Variants in PTPRD observed in about 807,000 individuals in gnomAD.
PTPRD encodes receptor-type tyrosine-protein phosphatase delta.
Under a neutral mutation model 214.5 loss-of-function variants are expected in PTPRD, and 34 were observed. The observed-to-expected ratio is 0.16, with a 90% CI of 0.12 to 0.21. The LOEUF (loss-of-function observed/expected upper bound fraction) is 0.21, where lower values mean the gene tolerates loss of function less well. Among genes scored for constraint, PTPRD ranks in the 10% least tolerant of loss-of-function variants. PTPRD has a pLI of 1.00. For missense variants in PTPRD, 2,545 were observed against 2,398.7 expected, an observed-to-expected ratio of 1.06 and a Z score of -1.27; for synonymous variants, 1,128 against 845.7, an observed-to-expected ratio of 1.33 and a Z score of -5.79.
At chr9:8,915,803 T>C (rs757726125) in intron 11 of PTPRD, among the ~76,000 whole-genome samples, 2 of 152,176 alleles carry the variant, frequency 1.3e-5, no homozygotes, top group African/African-American at 2.4e-5. Flanking sequence ...CACATCCACA[T>C]TAGGAAGAGC....
chr9:10,213,750 A>T (rs147321994), intron 3 of PTPRD, among the ~76,000 whole-genome samples: 6 of 152,254 alleles, frequency 3.9e-5, no homozygotes, highest in Non-Finnish European at 8.8e-5. Flanking sequence ...CCTGGACAAA[A>T]CAAATAACAC....
At chr9:8,719,478 G>A (rs544043058) in intron 12 of PTPRD, among the ~76,000 whole-genome samples, 1 of 152,132 alleles carries the variant, frequency 6.6e-6, no homozygotes, top group Non-Finnish European at 1.5e-5. Flanking sequence ...GGTTAAACAA[G>A]GTCCTTTGCT....
intron 3 of PTPRD, among the ~76,000 whole-genome samples, chr9:10,167,779 A>T (rs944155689): frequency 2.6e-5 from 4 of 152,170 alleles, no homozygotes; most frequent in African/African-American, 9.7e-5. Flanking sequence ...ATAGAAGATA[A>T]AGGCCAAATT....
chr9:8,676,918 G>A (rs753480139), intron 12 of PTPRD, among the ~76,000 whole-genome samples: 10 of 152,108 alleles, frequency 6.6e-5, no homozygotes, highest in Non-Finnish European at 1.5e-4. Context: ...CGGAGTGCTT[G>A]GCACACAGTA....
intron 2 of PTPRD, among the ~76,000 whole-genome samples, chr9:10,605,646 T>C (rs1467067216): frequency 2.0e-5 from 3 of 151,768 alleles, no homozygotes; most frequent in African/African-American, 4.8e-5. Flanking sequence ...AAGGTAAGTG[T>C]AGATACGTAT....
chr9:9,955,850 C>T (rs1225920406), intron 4 of PTPRD, among the ~76,000 whole-genome samples: 1 of 152,124 alleles, frequency 6.6e-6, no homozygotes, highest in African/African-American at 2.4e-5. Flanking sequence ...AATAATCATA[C>T]TGCTTTCAAA....
At chr9:9,204,267 A>G (rs2132443244) in intron 9 of PTPRD, among the ~76,000 whole-genome samples, 1 of 152,304 alleles carries the variant, frequency 6.6e-6, no homozygotes, top group East Asian at 1.9e-4. Flanking sequence ...TCATTAGCGA[A>G]TATGTCTGAT....
intron 3 of PTPRD, among the ~76,000 whole-genome samples, chr9:10,038,932 G>A (rs970778094): frequency 5.3e-5 from 8 of 151,884 alleles, no homozygotes; most frequent in South Asian, 4.2e-4. Flanking sequence ...TAACGCTGAC[G>A]ATAAACTTTA....
chr9:9,830,352 T>C (rs965412405), intron 5 of PTPRD, among the ~76,000 whole-genome samples: 2 of 151,874 alleles, frequency 1.3e-5, no homozygotes, highest in Admixed American at 6.6e-5. Flanking sequence ...AAAATGATTG[T>C]TCAGATCACT....
chr9:9,548,965 T>C (rs1054833708), intron 8 of PTPRD, among the ~76,000 whole-genome samples: 2 of 152,290 alleles, frequency 1.3e-5, no homozygotes, highest in Non-Finnish European at 2.9e-5. Flanking sequence ...AAAATCAATT[T>C]AGTTATAAAA....
intron 2 of PTPRD, among the ~76,000 whole-genome samples, chr9:10,460,844 G>A (rs1394299729): frequency 2.0e-5 from 3 of 151,874 alleles, no homozygotes; most frequent in Non-Finnish European, 4.4e-5. Flanking sequence ...TGATTTATTG[G>A]GTATCACACC....
Position 10,200,542 on chromosome 9 carries a change from G to T in PTPRD, c.-545+140421C>A, listed in dbSNP as rs557427047. Among the ~76,000 whole-genome samples the T allele has an allele frequency of 7.9e-5, 12 of 152,192 alleles. No individual in the cohort carries two copies. The East Asian group carries it at 2.3e-3, about 29-fold the overall frequency. The stretch of plus-strand genomic sequence containing the variant: ...CTAGATGTTTACATCATTTAAGAAA[G>T]AGAAGACCATATGACTGACTACCTT... On this transcript the variant is annotated intron_variant, in intron 3 of 45. Transcript: ENST00000381196.
In PTPRD at chr9:8,428,865, C is replaced by G. The variant is rs139852242; in HGVS notation, c.4086+7727G>C. ...GATGACTGTTTTACTAATGATGGTT[C>G]TGCGCCTGTGAATACACTGTGGCAC... On this transcript the variant is annotated intron_variant, in intron 35 of 45. Coordinates refer to ENST00000381196, the MANE Select transcript of PTPRD (RefSeq NM_002839.4). 3.9e-5 allele frequency among the ~76,000 whole-genome samples: 6 copies of G among 152,312 alleles called. No individual in the cohort carries two copies. The East Asian group carries it at 1.2e-3, about 29-fold the overall frequency.
At chr9:10,097,541 T>C (rs1033695001) in intron 3 of PTPRD, among the ~76,000 whole-genome samples, 4 of 151,656 alleles carry the variant, frequency 2.6e-5, no homozygotes, top group East Asian at 2.0e-4. Flanking sequence ...TCTCTGTTTG[T>C]CTGTTATTGG....
chr9:9,812,959 T>C (rs528852790), intron 5 of PTPRD, among the ~76,000 whole-genome samples: 159 of 152,226 alleles, frequency 1.0e-3, no homozygotes, highest in African/African-American at 3.5e-3. Context: ...TTTGGTAAGA[T>C]TGGTATCAAT....
chr9:9,670,718 G>C (rs769759951), intron 7 of PTPRD, among the ~76,000 whole-genome samples: 1 of 152,208 alleles, frequency 6.6e-6, no homozygotes, highest in Non-Finnish European at 1.5e-5. Context: ...GGCTTCAGAG[G>C]TTGCAGGCCT....
At chr9:10,341,832 TTC>T (rs1661275385) in intron 2 of PTPRD, among the ~76,000 whole-genome samples, 1 of 151,210 alleles carries the variant, frequency 6.6e-6, no homozygotes, top group Non-Finnish European at 1.5e-5. Context: ...GTAATATTAA[TTC>T]TTTTTTCCCC....
At chr9:9,864,066 A>G (rs2063390503) in intron 5 of PTPRD, among the ~76,000 whole-genome samples, 2 of 152,304 alleles carry the variant, frequency 1.3e-5, no homozygotes, top group Admixed American at 1.3e-4. Context: ...GCACTTTAGG[A>G]GGCCGAAGTG....
intron 8 of PTPRD, among the ~76,000 whole-genome samples, chr9:9,541,744 TTTC>T (rs1236560236): frequency 4.0e-5 from 6 of 151,852 alleles, no homozygotes; most frequent in African/African-American, 1.4e-4. Context: ...GCTAAGAATG[TTTC>T]CACTGAGGCA....
Sources: gnomAD v4.1 joint callset for allele counts (sites outside exome capture counted in the v4.1 genomes callset) on GRCh38, gnomAD v4.1.1 for gene constraint, MANE v1.5 for transcripts, NCBI Gene and HGNC (gene_info 2026-07-23, HGNC 2026-07-21) for gene names.